Variants in MAST2 observed in about 807,000 individuals in gnomAD.
The protein encoded by MAST2 is microtubule-associated serine/threonine-protein kinase 2.
A neutral mutation model predicts 147.4 loss-of-function variants in MAST2; 70 were observed. The ratio of observed to expected loss-of-function variants is 0.47; its 90% CI spans 0.39 to 0.58. The LOEUF is 0.58. Among genes scored for constraint, MAST2 ranks in the 20% least tolerant of loss-of-function variants. MAST2 has a pLI of 0.00. For missense variants in MAST2, 2,080 were observed against 2,302.3 expected, an observed-to-expected ratio of 0.90 and a Z score of 1.98; for synonymous variants, 869 against 896.8, an observed-to-expected ratio of 0.97 and a Z score of 0.55.
chr1:45,832,614 AC>A (rs1312985187), intron 3 of MAST2, among the ~76,000 whole-genome samples: 1 of 151,934 alleles, frequency 6.6e-6, no homozygotes, highest in East Asian at 1.9e-4. Context: ...TTAAAGTGTT[AC>A]CCTGATTCTA....
At chr1:46,033,667 T>A in intron 26 of MAST2, 135 bp from the exon 27 acceptor site, 1 of 1,128,050 alleles carries the variant, frequency 8.9e-7, no homozygotes. Context: ...AATATAGGCC[T>A]GTGGTTCAGA....
chr1:45,916,539 A>G (rs1302916389), intron 4 of MAST2, among the ~76,000 whole-genome samples: 1 of 152,228 alleles, frequency 6.6e-6, no homozygotes, highest in East Asian at 1.9e-4. Flanking sequence ...GGAATCTAAA[A>G]TTTAAGTAGA....
At chr1:45,970,239 G>T (rs1570990720) in intron 5 of MAST2, among the ~76,000 whole-genome samples, 1 of 152,024 alleles carries the variant, frequency 6.6e-6, no homozygotes, top group Non-Finnish European at 1.5e-5. Context: ...AAATTTGGGA[G>T]CCCCCCCATG....
intron 3 of MAST2, among the ~76,000 whole-genome samples, chr1:45,870,806 G>A (rs146700243): frequency 7.4e-4 from 112 of 151,934 alleles, no homozygotes; most frequent in African/African-American, 2.3e-3. Context: ...GTGCACACCT[G>A]TAGTTCCAGC....
intron 3 of MAST2, among the ~76,000 whole-genome samples, chr1:45,868,571 C>T (rs558069888): frequency 1.9e-3 from 293 of 151,946 alleles, no homozygotes; most frequent in Non-Finnish European, 2.8e-3. Flanking sequence ...TGTTCAAAAA[C>T]GAGAGTACTT....
chr1:45,947,349 G>A (rs971922354), intron 4 of MAST2, among the ~76,000 whole-genome samples: 6 of 144,688 alleles, frequency 4.1e-5, no homozygotes, highest in Non-Finnish European at 9.1e-5. Context: ...ACCTCATAAT[G>A]TTTTAAGAAA....
At chr1:45,908,000 CT>C (rs1444044683) in intron 4 of MAST2, among the ~76,000 whole-genome samples, 3 of 152,052 alleles carry the variant, frequency 2.0e-5, no homozygotes, top group African/African-American at 4.8e-5. Flanking sequence ...GTTGTGATAA[CT>C]CATCTTTTAT....
At chr1:45,930,971 T>C (rs541282028) in intron 4 of MAST2, among the ~76,000 whole-genome samples, 47 of 152,242 alleles carry the variant, frequency 3.1e-4, no homozygotes, top group Non-Finnish European at 6.6e-4. Context: ...GCTCCTGATA[T>C]GTTATCTCAT....
In MAST2 at chr1:46,001,096, G is replaced by A. The variant is rs188945960; in HGVS notation, c.669-1709G>A. The A allele has an allele frequency of 3.2e-5, 26 of 803,328 alleles. No individual in the cohort carries two copies. The East Asian group carries it at 5.7e-4, about 18-fold the overall frequency. The allele number at this position is 803,328 out of a possible 1,614,324, so 49.8% of individuals were successfully genotyped here. ...TTGTGATGATTCTTCTCTGACTGTG[G>A]GTATGAACATTGGGCCTTTCATGTC... On this transcript the variant is annotated intron_variant, in intron 6 of 28. Transcript: ENST00000361297.
In MAST2 at chr1:45,834,022, C is replaced by T. The variant is rs55901666; in HGVS notation, c.468+4441C>T. Among the ~76,000 whole-genome samples the T allele has an allele frequency of 8.2e-3, 1,251 of 152,158 alleles. 20 individuals are homozygous for T. Among genetic ancestry groups the T allele is most frequent in the Non-Finnish European group, 9.3e-3 (629 of 67,970 alleles). On this transcript the variant is annotated intron_variant, in intron 3 of 28. Coordinates refer to ENST00000361297, the MANE Select transcript of MAST2 (RefSeq NM_015112.3). Reference sequence around the variant, plus strand: ...TAAATACCTATTTCTGCTTTGACCACCCATACTGGAATAAACCTCAGTGTC... The same window carrying T: ...TAAATACCTATTTCTGCTTTGACCATCCATACTGGAATAAACCTCAGTGTC...
chr1:45,980,412 C>T (rs191530961), intron 5 of MAST2, among the ~76,000 whole-genome samples: 52 of 152,130 alleles, frequency 3.4e-4, no homozygotes, highest in African/African-American at 1.2e-3. Flanking sequence ...CTCAGCATCA[C>T]GCAATATACC....
At position 46,025,711 on chromosome 1, in the gene MAST2, G is replaced by A. The variant is rs1196491239; in HGVS notation, c.1815G>A (p.Gly605=). Residue 605 remains glycine (G), a synonymous_variant, in exon 16 of 29, where the codon GGG becomes GGA. Transcript: ENST00000361297. ...GDCATLLKNI[G]ALPVDMVRLY... Reference sequence around the variant, plus strand: ...GTGCCACTCTGCTGAAGAATATTGGGGCCCTGCCTGTGGACATGGTGCGTC... The same window carrying A: ...GTGCCACTCTGCTGAAGAATATTGGAGCCCTGCCTGTGGACATGGTGCGTC... 1.2e-6 allele frequency: 2 copies of A among 1,614,048 alleles called. No individual in the cohort carries two copies.
At chr1:45,828,237 A>G (rs1007532769) in intron 2 of MAST2, among the ~76,000 whole-genome samples, 1 of 152,210 alleles carries the variant, frequency 6.6e-6, no homozygotes, top group African/African-American at 2.4e-5. Context: ...GTTGGCAGCA[A>G]AAACAAAAAT....
In MAST2 at chr1:45,939,980, G is replaced by GTTTTTTTTTTTTTTT. The variant is rs1174123217; in HGVS notation, c.501-19399_501-19385dup. On this transcript the variant is annotated intron_variant, in intron 4 of 28. Transcript: ENST00000361297. ...AACGGAAGTTCTCTATTTATTTAGGGTTTTTTTTTTTTTTTTTTTTTGAGA... is the reference window on the plus strand; with the variant it reads ...AACGGAAGTTCTCTATTTATTTAGGGTTTTTTTTTTTTTTTTTTTTTTTTTTTTTTTTTTTTGAGA... Among the ~76,000 whole-genome samples the GTTTTTTTTTTTTTTT allele has an allele frequency of 2.5e-4, 24 of 97,330 alleles. 2 individuals are homozygous for GTTTTTTTTTTTTTTT. Among genetic ancestry groups the GTTTTTTTTTTTTTTT allele is most frequent in the Admixed American group, 3.9e-4 (3 of 7,746 alleles). The allele number at this position is 97,330 out of a possible 152,430, so 63.9% of individuals were successfully genotyped here.
chr1:45,971,517 C>T (rs550506887), intron 5 of MAST2, among the ~76,000 whole-genome samples: 63 of 152,312 alleles, frequency 4.1e-4, no homozygotes, highest in Non-Finnish European at 8.4e-4. Flanking sequence ...TATCCACGTT[C>T]CCACACCACT....
rs372056292 is a variant in MAST2, at chr1:45,965,918, A to G, written c.592+6441A>G. On this transcript the variant is annotated intron_variant, in intron 5 of 28. Transcript: ENST00000361297. ...CAGGCACTAGTTTACATTAAGATTC[A>G]CTGTTAGTGGTATACATTTTGTGTG... 5.9e-5 allele frequency among the ~76,000 whole-genome samples: 9 copies of G among 152,170 alleles called. No individual in the cohort carries two copies. The East Asian group carries it at 1.5e-3, about 26-fold the overall frequency.
At chr1:45,863,902 T>C (rs1348562931) in intron 3 of MAST2, among the ~76,000 whole-genome samples, 1 of 152,194 alleles carries the variant, frequency 6.6e-6, no homozygotes, top group Non-Finnish European at 1.5e-5. Flanking sequence ...CCTAAAAATA[T>C]AATGCTGCCT....
chr1:45,870,962 G>A (rs943975577), intron 3 of MAST2, among the ~76,000 whole-genome samples: 1 of 151,554 alleles, frequency 6.6e-6, no homozygotes, highest in Non-Finnish European at 1.5e-5. Flanking sequence ...AAAATTCATG[G>A]AAGATTTTTT....
chr1:45,993,471 G>T (rs1395827786), intron 5 of MAST2, among the ~76,000 whole-genome samples: 1 of 152,058 alleles, frequency 6.6e-6, no homozygotes, highest in Admixed American at 6.6e-5. Flanking sequence ...ATTACTTGAG[G>T]TCAGGAGTTC....
Sources: gnomAD v4.1 joint callset for allele counts (sites outside exome capture counted in the v4.1 genomes callset) on GRCh38, gnomAD v4.1.1 for gene constraint, MANE v1.5 for transcripts, NCBI Gene and HGNC (gene_info 2026-07-23, HGNC 2026-07-21) for gene names.